TULP4: variants seen among roughly 807,000 people sequenced by gnomAD.
The protein encoded by TULP4 is TUB like protein 4.
In TULP4, 16 loss-of-function variants were observed where a neutral mutation model predicts 129.0. The observed-to-expected ratio is 0.12, with a 90% CI of 0.08 to 0.19. TULP4 has a LOEUF of 0.19. Among genes scored for constraint, TULP4 ranks in the 10% least tolerant of loss-of-function variants. The probability of loss-of-function intolerance (pLI) is 1.00; values close to 1 mark genes in which losing one functional copy is unlikely to be tolerated. For missense variants in TULP4, 1,842 were observed against 2,059.1 expected (o/e 0.89, Z 2.04); for synonymous variants, 998 against 854.0 (o/e 1.17, Z -2.94).
At chr6:158,423,241 C>A (rs1171744326) in intron 2 of TULP4, among the ~76,000 whole-genome samples, 1 of 151,938 alleles carries the variant, frequency 6.6e-6, no homozygotes, top group African/African-American at 2.4e-5. Context: ...CAGCCTGGGG[C>A]TAAATAAAGA....
At chr6:158,245,281 C>T (rs1778008296) in intron 1 of TULP4, among the ~76,000 whole-genome samples, 1 of 151,944 alleles carries the variant, frequency 6.6e-6, no homozygotes, top group South Asian at 2.1e-4. Flanking sequence ...AGGTGTGAGC[C>T]ACCGCACCCG....
At position 158,296,766 on chromosome 6, in the gene TULP4, G is replaced by GC. The variant is rs539841007; in HGVS notation, n.116+14393dup. Among the ~76,000 whole-genome samples, 384 of 152,252 alleles carry GC rather than the reference G, an allele frequency of 2.5e-3. 6 individuals carry two copies. Among genetic ancestry groups the GC allele is most frequent in the African/African-American group, 8.9e-3 (371 of 41,538 alleles). ...CATCACATATTGGTAGGTCCATGAT[G>GC]CCCCCTGAGCCTCAAAACCAACAAG... is the stretch of plus-strand genomic sequence containing the variant. On this transcript the variant is annotated intron_variant and non_coding_transcript_variant, in intron 1 of 1. Transcript: ENST00000432358.
At chr6:158,400,075 T>A (rs1777806178) in intron 1 of TULP4, among the ~76,000 whole-genome samples, 2 of 152,244 alleles carry the variant, frequency 1.3e-5, no homozygotes, top group Admixed American at 1.3e-4. Context: ...TTTAACCAGA[T>A]AAAGTGTTTA....
At chr6:158,269,795 CA>C (rs1778513537) in intron 1 of TULP4, among the ~76,000 whole-genome samples, 3 of 152,214 alleles carry the variant, frequency 2.0e-5, no homozygotes, top group Admixed American at 2.0e-4. Flanking sequence ...GTCTTCCCAA[CA>C]TTCCTACTTC....
chr6:158,256,543 T>C (rs1778247555), intron 1 of TULP4, among the ~76,000 whole-genome samples: 1 of 152,190 alleles, frequency 6.6e-6, no homozygotes, highest in Non-Finnish European at 1.5e-5. Flanking sequence ...GTAAATAAAA[T>C]GTTGAGGATG....
intron 13 of TULP4, among the ~76,000 whole-genome samples, chr6:158,504,816 G>A (rs1169433142): frequency 6.6e-6 from 1 of 152,098 alleles, no homozygotes; most frequent in Non-Finnish European, 1.5e-5. Flanking sequence ...TAAAGAATAC[G>A]TTTCTACTTC....
intron 1 of TULP4, among the ~76,000 whole-genome samples, chr6:158,364,786 G>C (rs979289480): frequency 4.6e-5 from 7 of 152,228 alleles, no homozygotes; most frequent in African/African-American, 1.4e-4. Context: ...ACCCAGGCTG[G>C]AGTGCAGTGG....
chr6:158,316,997 C>T (rs992065844), intron 1 of TULP4, among the ~76,000 whole-genome samples: 16 of 152,138 alleles, frequency 1.1e-4, no homozygotes, highest in Middle Eastern at 3.2e-3. Flanking sequence ...AAAAATGGCA[C>T]CCCTGAGCCG....
intron 1 of TULP4, among the ~76,000 whole-genome samples, chr6:158,244,318 C>T (rs1012850691): frequency 6.6e-6 from 1 of 152,014 alleles, no homozygotes; most frequent in Non-Finnish European, 1.5e-5. Context: ...CCTAAATGTG[C>T]AATAAACAAA....
In TULP4 at chr6:158,502,784, A is replaced by G. The variant is rs777548302; in HGVS notation, c.3121A>G (p.Ser1041Gly). ...TGCCCTGTACACCTGCAGTCAGTGC[A>G]GTGGCACAGGGCCCAGCTCACAGCC... ...PPALYTCSQC[S>G]GTGPSSQPGA... The change falls in exon 13 of 14, where the codon AGT becomes GGT. Residue 1041 changes from serine to glycine, a missense_variant. Physicochemically the swap from Ser to Gly is moderately conservative, Grantham distance 56 (BLOSUM62 0). Coordinates refer to ENST00000367097, the MANE Select transcript of TULP4 (RefSeq NM_020245.5). 4 of 1,608,900 alleles carry G rather than the reference A, an allele frequency of 2.5e-6. No individual in the cohort carries two copies. Among genetic ancestry groups the G allele is most frequent in the South Asian group, 1.1e-5 (1 of 90,964 alleles).
Position 158,302,969 on chromosome 6 carries a change from T to C in TULP4, n.117-9082T>C, listed in dbSNP as rs1779155703. Among the ~76,000 whole-genome samples the C allele has an allele frequency of 2.7e-5, 4 of 150,800 alleles. No individual in the cohort carries two copies. In the Admixed American group the frequency reaches 2.7e-4, roughly 10 times the overall value. On this transcript the variant is annotated intron_variant and non_coding_transcript_variant, in intron 1 of 1. Transcript: ENST00000432358. ...ATCAGCTTTTCCAATCCCTGCTAGT[T>C]ATATGTTAGTGGGATGTTTACGCCA... is the stretch of plus-strand genomic sequence containing the variant.
intron 6 of TULP4, among the ~76,000 whole-genome samples, chr6:158,462,583 C>G (rs956980294): frequency 6.0e-5 from 9 of 151,082 alleles, no homozygotes; most frequent in African/African-American, 1.9e-4. Flanking sequence ...CCATGTTAGC[C>G]AGGATGGTCT....
chr6:158,390,038 T>G (rs1583826254), intron 1 of TULP4, among the ~76,000 whole-genome samples: 1 of 149,434 alleles, frequency 6.7e-6, no homozygotes, highest in Non-Finnish European at 1.5e-5. Context: ...ACCACTGCAC[T>G]CCAGCCTGGA....
In TULP4 at chr6:158,385,842, C is replaced by CTTTTTTTTTTTTT. The variant is rs778595442; in HGVS notation, c.253-27215_253-27203dup. Among the ~76,000 whole-genome samples, 455 of 59,558 alleles carry CTTTTTTTTTTTTT rather than the reference C, an allele frequency of 7.6e-3. 106 individuals carry two copies. Among genetic ancestry groups the CTTTTTTTTTTTTT allele is most frequent in the African/African-American group, 0.013 (181 of 13,878 alleles). 39.1% of individuals were successfully genotyped at this position (59,558 alleles called of 152,430 possible). A position where few individuals can be genotyped will look rare whatever the true frequency, so the allele number is the denominator to read the frequency against. On this transcript the variant is annotated intron_variant, in intron 1 of 13. Transcript: ENST00000367097. ...GGAAAAGTCTACAAATGTGGAATATCTTTTTTTTTTTTTTTTTTTTGAGAA... is the reference window on the plus strand; with the variant it reads ...GGAAAAGTCTACAAATGTGGAATATCTTTTTTTTTTTTTTTTTTTTTTTTTTTTTTTTTGAGAA...
intron 6 of TULP4, among the ~76,000 whole-genome samples, chr6:158,466,648 A>G (rs796684128): frequency 2.0e-5 from 3 of 152,342 alleles, no homozygotes; most frequent in African/African-American, 7.2e-5. Flanking sequence ...GCATCCAGCC[A>G]AGATATTTTG....
At chr6:158,317,484 A>G (rs1408753394) in intron 1 of TULP4, among the ~76,000 whole-genome samples, 5 of 92,746 alleles carry the variant, frequency 5.4e-5, no homozygotes, top group African/African-American at 7.2e-5. Flanking sequence ...TGTCCCTGCA[A>G]AGGACATGAA....
chr6:158,460,849 A>G (rs1428647956), intron 5 of TULP4, among the ~76,000 whole-genome samples: 4 of 152,078 alleles, frequency 2.6e-5, no homozygotes, highest in Non-Finnish European at 4.4e-5. Context: ...AGTGGAGGCC[A>G]CAGCAGTGGG....
intron 1 of TULP4, among the ~76,000 whole-genome samples, chr6:158,268,335 G>A (rs9457264): frequency 0.17 from 26,261 of 152,020 alleles, 2,705 homozygotes; most frequent in Middle Eastern, 0.24. Context: ...CACTGCACCC[G>A]GCCTTGTTTG....
intron 1 of TULP4, among the ~76,000 whole-genome samples, chr6:158,286,247 A>C (rs961243658): frequency 3.3e-5 from 5 of 152,260 alleles, no homozygotes; most frequent in Admixed American, 1.3e-4. Flanking sequence ...GTAATAATCC[A>C]AAAGACATTC....
Sources: allele counts gnomAD v4.1 joint callset (sites outside exome capture counted in the v4.1 genomes callset), GRCh38; gene constraint gnomAD v4.1.1; transcripts MANE v1.5; gene names NCBI Gene and HGNC (gene_info 2026-07-23, HGNC 2026-07-21).